The following GSE1 variants were observed in gnomAD, a reference collection of about 807,000 sequenced individuals.
The protein encoded by GSE1 is Gse1 coiled-coil protein, also known as genetic suppressor element 1.
GSE1 carries 32 observed loss-of-function variants against 112.6 expected under a neutral mutation model. The ratio of observed to expected loss-of-function variants is 0.28; its 90% CI spans 0.21 to 0.38. The LOEUF (loss-of-function observed/expected upper bound fraction) is 0.38. Ranked by LOEUF, GSE1 falls within the 10% of genes least tolerant of loss-of-function variation. GSE1 has a pLI of 1.00. For synonymous variants in GSE1, 1,115 were observed against 735.6 expected (o/e 1.52, Z -8.35); for missense variants, 2,348 against 1,699.2 (o/e 1.38, Z -6.71).
chr16:85,488,027 C>T (rs2050897377), intron 2 of GSE1, among the ~76,000 whole-genome samples: 1 of 152,164 alleles, frequency 6.6e-6, no homozygotes, highest in African/African-American at 2.4e-5. Context: ...AGGCTCCTAG[C>T]AGGACCAGAC....
At chr16:85,658,503 C>T (rs764643284) in intron 8 of GSE1, among the ~76,000 whole-genome samples, 2 of 152,182 alleles carry the variant, frequency 1.3e-5, no homozygotes, top group Non-Finnish European at 2.9e-5. Flanking sequence ...GGGACGGAAG[C>T]GTGTTGGTGG....
At chr16:85,648,957 C>G (rs978367232) in intron 3 of GSE1, among the ~76,000 whole-genome samples, 3 of 152,100 alleles carry the variant, frequency 2.0e-5, no homozygotes, top group African/African-American at 7.2e-5. Context: ...CATCGGCCCA[C>G]GCATCAGTCT....
chr16:85,483,877 C>T (rs2050756623), intron 2 of GSE1, among the ~76,000 whole-genome samples: 1 of 152,244 alleles, frequency 6.6e-6, no homozygotes, highest in Non-Finnish European at 1.5e-5. Context: ...CCCCTGCCAG[C>T]AGGCCTCTGG....
At chr16:85,350,489 T>C (rs1049479847) in intron 1 of GSE1, among the ~76,000 whole-genome samples, 1 of 152,136 alleles carries the variant, frequency 6.6e-6, no homozygotes, top group Non-Finnish European at 1.5e-5. Context: ...GAGACAGCCC[T>C]GCCAGCTGGA....
chr16:85,273,693 T>G (rs1209991165), intron 1 of GSE1, among the ~76,000 whole-genome samples: 2 of 151,762 alleles, frequency 1.3e-5, no homozygotes, highest in African/African-American at 2.4e-5. Context: ...GGGGTCTCCT[T>G]TTTGGTTTTT....
chr16:85,614,398 G>A (rs915428944), intron 1 of GSE1, among the ~76,000 whole-genome samples: 1 of 151,968 alleles, frequency 6.6e-6, no homozygotes, highest in Non-Finnish European at 1.5e-5. Context: ...CACCCTCCCT[G>A]CGCCCGCCCA....
At chr16:85,331,707 ATT>A (rs566551746) in intron 1 of GSE1, among the ~76,000 whole-genome samples, 561 of 51,908 alleles carry the variant, frequency 0.011, 11 homozygotes, top group East Asian at 0.064. Context: ...ATATATATAT[ATT>A]TTTTTTTTTT....
rs977877692 is a variant in GSE1 at position 85,244,636 on chromosome 16, G to C, written c.2283+72829G>C. Among the ~76,000 whole-genome samples the C allele has an allele frequency of 5.9e-5, 9 of 151,498 alleles. No individual in the cohort carries two copies. In the East Asian group the frequency reaches 1.6e-3, roughly 26 times the overall value. On this transcript the variant is annotated intron_variant, in intron 1 of 2. Transcript: ENST00000637419. ...AGGCTGAGGCAGGAGGATCGCTTGA[G>C]CCCAGGAGTTCGAGGCCAGCCTGGG...
chr16:85,440,259 G>A (rs1029429062), intron 2 of GSE1, among the ~76,000 whole-genome samples: 1 of 152,218 alleles, frequency 6.6e-6, no homozygotes, highest in Non-Finnish European at 1.5e-5. Flanking sequence ...GCTGGAGACT[G>A]GGGAACACCT....
chr16:85,468,809 G>A (rs2050199314), intron 2 of GSE1, among the ~76,000 whole-genome samples: 1 of 152,038 alleles, frequency 6.6e-6, no homozygotes, highest in Non-Finnish European at 1.5e-5. Context: ...TAATCTTAGT[G>A]TGCTGATGGC....
rs140284638 is a variant in GSE1, at chr16:85,314,363, G to A, written c.2284-43100G>A. On this transcript the variant is annotated intron_variant, in intron 1 of 2. Coordinates refer to the GSE1 transcript ENST00000637419. ...TGCGCTGGGTGCCTGTTTTCAGCTT[G>A]TGTCTCACGGGTAGAGGTGAAGCAT... is the stretch of plus-strand genomic sequence containing the variant. 7.3e-3 allele frequency among the ~76,000 whole-genome samples: 1,116 copies of A among 152,272 alleles called. 13 individuals are homozygous for A. Among genetic ancestry groups the A allele is most frequent in the African/African-American group, 0.025 (1,036 of 41,546 alleles).
intron 1 of GSE1, among the ~76,000 whole-genome samples, chr16:85,344,120 G>T (rs1024667511): frequency 6.6e-6 from 1 of 152,190 alleles, no homozygotes; most frequent in Non-Finnish European, 1.5e-5. Flanking sequence ...CTGGGGGTGC[G>T]GATCTGCAAT....
At chr16:85,357,764 G>C in intron 2 of GSE1, 1 of 507,894 alleles carries the variant, frequency 2.0e-6, no homozygotes, top group South Asian at 2.0e-5. Flanking sequence ...CGGCATCCTA[G>C]GGGAGAGACC....
At chr16:85,457,491 T>C (rs565500013) in intron 2 of GSE1, among the ~76,000 whole-genome samples, 10 of 152,366 alleles carry the variant, frequency 6.6e-5, no homozygotes, top group East Asian at 5.8e-4. Flanking sequence ...CACAGCAGGC[T>C]TCACAGTCTC....
rs144617611 is a variant in GSE1 at position 85,364,334 on chromosome 16, C to T, written c.2464+6691C>T. ...GGCCCCTGTGACTGCACCAGGCCCA[C>T]GTGGCTAATCCAGGCCCATCTCCCA... On this transcript the variant is annotated intron_variant, in intron 2 of 2. Transcript: ENST00000637419. Among the ~76,000 whole-genome samples, 258 of 152,328 alleles carry T rather than the reference C, an allele frequency of 1.7e-3. 2 individuals carry two copies. Among genetic ancestry groups the T allele is most frequent in the Non-Finnish European group, 2.4e-4 (16 of 68,032 alleles).
At chr16:85,178,400 T>G (rs1262857753) in intron 1 of GSE1, among the ~76,000 whole-genome samples, 1 of 151,934 alleles carries the variant, frequency 6.6e-6, no homozygotes, top group Non-Finnish European at 1.5e-5. Flanking sequence ...GGACCAGCAT[T>G]CCCGGCGGTG....
At chr16:85,356,717 CTT>C (rs1183299846) in intron 1 of GSE1, among the ~76,000 whole-genome samples, 3 of 152,192 alleles carry the variant, frequency 2.0e-5, no homozygotes, top group African/African-American at 7.2e-5. Flanking sequence ...GTCTGGAACT[CTT>C]AGGCTCAAGC....
At chr16:85,423,859 C>T (rs1025454131) in intron 2 of GSE1, among the ~76,000 whole-genome samples, 9 of 152,284 alleles carry the variant, frequency 5.9e-5, no homozygotes, top group Admixed American at 4.6e-4. Flanking sequence ...CCCCTGCAGC[C>T]CCAGCCTCGT....
At chr16:85,488,425 C>A (rs756092872) in intron 2 of GSE1, among the ~76,000 whole-genome samples, 1 of 152,172 alleles carries the variant, frequency 6.6e-6, no homozygotes, top group African/African-American at 2.4e-5. Context: ...CACGTTACAG[C>A]CTACGGGGCT....
Sources: allele counts gnomAD v4.1 joint callset (sites outside exome capture counted in the v4.1 genomes callset), GRCh38; gene constraint gnomAD v4.1.1; transcripts MANE v1.5; gene names NCBI Gene and HGNC (gene_info 2026-07-23, HGNC 2026-07-21).